Variants in CEP250 observed in about 807,000 individuals in gnomAD.
CEP250 encodes centrosomal protein 250.
CEP250 carries 242 observed loss-of-function variants against 315.7 expected under a neutral mutation model. The ratio of observed to expected loss-of-function variants is 0.77; its 90% confidence interval spans 0.69 to 0.85. CEP250 has a LOEUF of 0.85. Ranked by LOEUF, CEP250 falls within the 40% of genes least tolerant of loss-of-function variation. The pLI is 0.00. For synonymous variants in CEP250, 1,088 were observed against 1,175.0 expected (o/e 0.93, Z 1.51); for missense variants, 2,515 against 2,886.4 (o/e 0.87, Z 2.95).
chr20:35,479,601 G>C, intron 18 of CEP250, 45 bp from the exon 19 acceptor site: 1 of 1,607,180 alleles, frequency 6.2e-7, no homozygotes, highest in Non-Finnish European at 8.5e-7. Context: ...GGAAGGGTAA[G>C]GGGCTTGATG....
intron 25 of CEP250, 61 bp from the exon 26 acceptor site, chr20:35,497,658 G>A: frequency 8.3e-7 from 1 of 1,209,404 alleles, no homozygotes; most frequent in Non-Finnish European, 1.2e-6. Context: ...TCTGGCCTGG[G>A]AAGGCCTGAG....
intron 19 of CEP250, 96 bp from the exon 20 acceptor site, chr20:35,479,880 T>A: frequency 6.3e-7 from 1 of 1,595,102 alleles, no homozygotes; most frequent in Non-Finnish European, 8.6e-7. Context: ...GTGCAGGGCC[T>A]CTGAGATGGG....
chr20:35,501,303 T>C (rs1229911153), intron 28 of CEP250, among the ~76,000 whole-genome samples: 1 of 151,806 alleles, frequency 6.6e-6, no homozygotes, highest in Non-Finnish European at 1.5e-5. Flanking sequence ...TGCCACTGCA[T>C]TCCAGCCTGG....
At chr20:35,508,663 T>C (rs1002160082) in intron 32 of CEP250, among the ~76,000 whole-genome samples, 10 of 152,224 alleles carry the variant, frequency 6.6e-5, no homozygotes, top group African/African-American at 1.4e-4. Flanking sequence ...TATGGCTGCT[T>C]CCCTGCTATG....
rs533821058 is a variant in CEP250, at chr20:35,502,690, C to T, written c.4321C>T (p.Arg1441Trp). The part of the protein sequence containing the change: ...AEREEEVETL[R>W]GQIQELEKQR... The stretch of plus-strand genomic sequence containing the variant: ...AAGAGAAGAGGAGGTGGAGACTCTG[C>T]GGGGACAAATCCAGGAACTGGAGAA... The change falls in exon 30 of 35, where the codon CGG becomes TGG. Residue 1441 changes from arginine to tryptophan, a missense_variant. Arg to Trp is a moderately radical substitution (Grantham distance 101). Coordinates refer to ENST00000397527, the MANE Select transcript of CEP250 (RefSeq NM_007186.6). The T allele has an allele frequency of 1.7e-5, 28 of 1,614,216 alleles. No individual in the cohort carries two copies. Among genetic ancestry groups the T allele is most frequent in the East Asian group, 2.2e-5 (1 of 44,890 alleles).
Position 35,507,685 on chromosome 20 carries a change from T to C in CEP250, c.6637-53T>C, listed in dbSNP as rs1213570850. 3.5e-5 allele frequency: 49 copies of C among 1,407,950 alleles called. No homozygotes were observed. The East Asian group carries it at 1.2e-3, about 35-fold the overall frequency. The allele number at this position is 1,407,950 out of a possible 1,614,324, so 87.2% of individuals were successfully genotyped here. A position where few individuals can be genotyped will look rare whatever the true frequency, so the allele number is the denominator to read the frequency against. ...GCTGTTTGTGTGGAGGATGGGTTGGTCTGGATATGAGGTTGGCAAGGTGTG... is the reference window on the plus strand; with the variant it reads ...GCTGTTTGTGTGGAGGATGGGTTGGCCTGGATATGAGGTTGGCAAGGTGTG... On this transcript the variant is annotated intron_variant, in intron 30 of 34. Coordinates refer to ENST00000397527, the MANE Select transcript of CEP250 (RefSeq NM_007186.6).
chr20:35,496,855 C>A, intron 25 of CEP250, 140 bp downstream of exon 25: 4 of 891,452 alleles, frequency 4.5e-6, no homozygotes, highest in Non-Finnish European at 6.5e-6. Context: ...GCCTCAACAC[C>A]CCTACAGGAG....
intron 34 of CEP250, 44 bp downstream of exon 34, chr20:35,510,098 C>T (rs958714074): frequency 1.3e-6 from 2 of 1,566,146 alleles, no homozygotes; most frequent in Non-Finnish European, 1.8e-6. Context: ...CCCTTGCACT[C>T]AGGCCCTTTG....
In CEP250 at chr20:35,504,298, C is replaced by T; in HGVS notation, c.5929C>T (p.Leu1977=). 3.1e-6 allele frequency: 5 copies of T among 1,587,852 alleles called. No homozygotes were observed. Among genetic ancestry groups the T allele is most frequent in the African/African-American group, 1.3e-5 (1 of 74,402 alleles). The part of the protein sequence containing the change: ...QEALGKAHAA[L]QGKEQHLLEQ... ...GGCCCTTGGCAAGGCTCATGCTGCCCTGCAGGGGAAAGAGCAGCATCTCCT... is the reference window on the plus strand; with the variant it reads ...GGCCCTTGGCAAGGCTCATGCTGCCTTGCAGGGGAAAGAGCAGCATCTCCT... Residue 1977 remains leucine (L), a synonymous_variant, in exon 30 of 35, where the codon CTG becomes TTG. Transcript: ENST00000397527.
intron 20 of CEP250, among the ~76,000 whole-genome samples, chr20:35,481,938 G>A (rs1279149235): frequency 6.6e-6 from 1 of 152,002 alleles, no homozygotes; most frequent in Non-Finnish European, 1.5e-5. Context: ...GGGCTCAAGC[G>A]ATCCACCCGC....
chr20:35,507,983 C>A (rs374594147), intron 31 of CEP250, 52 bp from the exon 32 acceptor site: 14 of 1,610,778 alleles, frequency 8.7e-6, no homozygotes, highest in Non-Finnish European at 1.2e-5. Flanking sequence ...TCTGTCTGTT[C>A]CCTACCTGTC....
At chr20:35,478,521 C>A (rs224366) in intron 17 of CEP250, among the ~76,000 whole-genome samples, 2 of 152,002 alleles carry the variant, frequency 1.3e-5, no homozygotes, top group Admixed American at 1.3e-4. Context: ...GCCGAGATTG[C>A]GCCACTGCAC....
intron 32 of CEP250, among the ~76,000 whole-genome samples, chr20:35,508,679 C>T (rs1457394396): frequency 6.6e-6 from 1 of 152,226 alleles, no homozygotes; most frequent in Non-Finnish European, 1.5e-5. Context: ...CTATGCCCCA[C>T]AAAGCCTACA....
chr20:35,502,843 C>T lies in CEP250; in HGVS notation c.4474C>T (p.Leu1492=), dbSNP rs765048700. The change falls in exon 30 of 35, where the codon CTG becomes TTG. Residue 1492 remains leucine (L), a synonymous_variant. Transcript: ENST00000397527. ...LEKCRSVLEH[L]PMAVQEREQK... is the part of the protein sequence containing the mutation. ...GAAGTGTAGGTCTGTTTTAGAGCAT[C>T]TGCCCATGGCCGTCCAGGAGCGAGA... is the stretch of plus-strand genomic sequence containing the variant. The T allele has an allele frequency of 6.2e-7, 1 of 1,614,048 alleles. No individual in the cohort carries two copies.
intron 9 of CEP250, among the ~76,000 whole-genome samples, chr20:35,468,507 C>T (rs373744017): frequency 1.1e-4 from 16 of 152,250 alleles, no homozygotes; most frequent in African/African-American, 3.4e-4. Context: ...ATGCCCATGA[C>T]GAGGGTTGTA....
Position 35,466,948 on chromosome 20 carries a change from G to C in CEP250, c.493-18G>C, listed in dbSNP as rs772166343. On this transcript the variant is annotated intron_variant, in intron 7 of 34. Coordinates refer to ENST00000397527, the MANE Select transcript of CEP250 (RefSeq NM_007186.6). Reference sequence around the variant, plus strand: ...AGCCCTCTGCCTTTGGGTATGACCTGGGTTTCTGAACACACAGTTCTTCAA... The same window carrying C: ...AGCCCTCTGCCTTTGGGTATGACCTCGGTTTCTGAACACACAGTTCTTCAA... 1 of 1,555,150 alleles carries C rather than the reference G, an allele frequency of 6.4e-7. No individual in the cohort carries two copies. Among genetic ancestry groups the C allele is most frequent in the Non-Finnish European group, 8.9e-7 (1 of 1,126,634 alleles).
intron 20 of CEP250, among the ~76,000 whole-genome samples, chr20:35,487,563 C>T (rs1360655159): frequency 6.6e-6 from 1 of 152,138 alleles, no homozygotes; most frequent in Admixed American, 6.5e-5. Context: ...TGATATTGGA[C>T]ACTTGTTAAG....
At chr20:35,467,614 G>C in intron 9 of CEP250, 59 bp downstream of exon 9, 6 of 1,553,612 alleles carry the variant, frequency 3.9e-6, no homozygotes, top group Non-Finnish European at 5.2e-6. Context: ...TCCTTTAGAG[G>C]GTTAGGGACA....
Position 35,511,354 on chromosome 20 carries a change from GC to G in CEP250, c.7066-6del. 1 of 1,522,370 alleles carries G rather than the reference GC, an allele frequency of 6.6e-7. No homozygotes were observed. 94.3% of individuals were successfully genotyped at this position (1,522,370 alleles called of 1,614,324 possible). On this transcript the variant is annotated splice_region_variant and splice_polypyrimidine_tract_variant and intron_variant, in intron 34 of 34. Transcript: ENST00000397527. ...GCTCTCGCTTTTTTTTTTTTTTCCT[GC>G]CCACCAGGTGGTCCTGCTGCAAGCT...
Sources: allele counts gnomAD v4.1 joint callset (sites outside exome capture counted in the v4.1 genomes callset), GRCh38; gene constraint gnomAD v4.1.1; transcripts MANE v1.5; gene names NCBI Gene and HGNC (gene_info 2026-07-23, HGNC 2026-07-21).